The following SHISA9 variants were observed in gnomAD, a reference collection of about 807,000 sequenced individuals.
The protein encoded by SHISA9 is protein shisa-9.
Under a neutral mutation model 38.0 loss-of-function variants are expected in SHISA9, and 13 were observed. That is an observed-to-expected ratio of 0.34 (90% CI 0.22 to 0.54). The LOEUF (loss-of-function observed/expected upper bound fraction) is 0.54, where lower values mean the gene tolerates loss of function less well. SHISA9 is among the 20% of genes least tolerant of loss of function. The pLI, the probability that SHISA9 is intolerant of heterozygous loss-of-function variation, is 0.91. For missense variants in SHISA9, 538 were observed against 575.8 expected (o/e 0.93, Z 0.67); for synonymous variants, 275 against 242.0 (o/e 1.14, Z -1.27).
intron 1 of SHISA9, chr16:12,908,846 C>T (rs1404966475): frequency 3.3e-6 from 4 of 1,205,998 alleles, no homozygotes; most frequent in Non-Finnish European, 4.2e-6. Flanking sequence ...CACTTGAAGC[C>T]AGTAGGGAAC....
rs4780513 is a variant in SHISA9, at chr16:13,237,291, G to A, written c.*1882G>A. ...CAATGCAGTTGATCCCTCTGGGCCT[G>A]AGTCTCCCATCTGAAACATGGGGAA... On this transcript the variant is annotated 3_prime_UTR_variant, in exon 5 of 5. Transcript: ENST00000558583. The A allele has an allele frequency of 6.6e-6, 1 of 151,990 alleles. No individual in the cohort carries two copies. Among genetic ancestry groups the A allele is most frequent in the Non-Finnish European group, 1.5e-5 (1 of 68,012 alleles). 9.4% of individuals were successfully genotyped at this position (151,990 alleles called of 1,614,324 possible).
chr16:13,336,904 G>A, the SHISA9 span, among the ~76,000 whole-genome samples: 1 of 152,148 alleles, frequency 6.6e-6, no homozygotes, highest in African/African-American at 2.4e-5. Flanking sequence ...ATTAATACAT[G>A]ACTAAAGTGG....
chr16:13,173,840 G>C (rs111850709), intron 2 of SHISA9, among the ~76,000 whole-genome samples: 3,006 of 152,310 alleles, frequency 0.02, 57 homozygotes, highest in Non-Finnish European at 0.032. Flanking sequence ...TGTTAGAGGA[G>C]AGTGGTTGAG....
At chr16:13,085,118 T>C (rs2073695853) in intron 2 of SHISA9, among the ~76,000 whole-genome samples, 1 of 152,090 alleles carries the variant, frequency 6.6e-6, no homozygotes, top group Non-Finnish European at 1.5e-5. Context: ...TGTGGTGGAT[T>C]GAGAAGGATA....
At chr16:12,910,610 C>T in intron 1 of SHISA9, 1 of 985,282 alleles carries the variant, frequency 1.0e-6, no homozygotes, top group Non-Finnish European at 1.2e-6. Context: ...TCAAAAATGG[C>T]AACATAATTA....
At chr16:13,310,251 G>A in the SHISA9 span, among the ~76,000 whole-genome samples, 4 of 151,758 alleles carry the variant, frequency 2.6e-5, no homozygotes, top group Non-Finnish European at 5.9e-5. Flanking sequence ...TTCAACTCGT[G>A]TTACAGTTAT....
the SHISA9 span, among the ~76,000 whole-genome samples, chr16:13,281,128 G>A: frequency 6.6e-6 from 1 of 151,820 alleles, no homozygotes; most frequent in African/African-American, 2.4e-5. Flanking sequence ...ATGAGCCAGA[G>A]ATGAAGATGG....
the SHISA9 span, among the ~76,000 whole-genome samples, chr16:13,263,345 A>T: frequency 1.3e-5 from 2 of 152,118 alleles, no homozygotes; most frequent in Non-Finnish European, 2.9e-5. Context: ...GCCTGGTGGG[A>T]GGAGACTGGA....
chr16:13,490,533 C>G, the SHISA9 span, among the ~76,000 whole-genome samples: 1 of 152,192 alleles, frequency 6.6e-6, no homozygotes, highest in Non-Finnish European at 1.5e-5. Context: ...CCACTGCACC[C>G]CAGCCTGGGC....
At chr16:13,207,194 G>A (rs573388764) in intron 3 of SHISA9, among the ~76,000 whole-genome samples, 1 of 152,252 alleles carries the variant, frequency 6.6e-6, no homozygotes, top group South Asian at 2.1e-4. Flanking sequence ...AACCTGGGAC[G>A]CGGAGGTTGC....
At chr16:13,434,388 A>G in the SHISA9 span, among the ~76,000 whole-genome samples, 2 of 145,026 alleles carry the variant, frequency 1.4e-5, no homozygotes, top group East Asian at 2.1e-4. Flanking sequence ...GGCGCTCAAT[A>G]TTAACCATCA....
At chr16:13,073,539 A>C (rs1339896499) in intron 2 of SHISA9, among the ~76,000 whole-genome samples, 1 of 152,158 alleles carries the variant, frequency 6.6e-6, no homozygotes, top group African/African-American at 2.4e-5. Flanking sequence ...GCTCAGACCT[A>C]GTGAGTCAGA....
the SHISA9 span, among the ~76,000 whole-genome samples, chr16:13,462,627 C>G: frequency 6.6e-6 from 1 of 151,914 alleles, no homozygotes; most frequent in South Asian, 2.1e-4. Flanking sequence ...GAGTTCGAAA[C>G]CAGCCTGGCC....
At chr16:13,129,018 T>G (rs2050284744) in intron 2 of SHISA9, among the ~76,000 whole-genome samples, 1 of 152,236 alleles carries the variant, frequency 6.6e-6, no homozygotes, top group Admixed American at 6.5e-5. Context: ...CCAATGACTC[T>G]ATGTCATTGC....
chr16:12,912,479 T>C (rs989785642), intron 1 of SHISA9, among the ~76,000 whole-genome samples: 2 of 152,132 alleles, frequency 1.3e-5, no homozygotes, highest in African/African-American at 2.4e-5. Flanking sequence ...GAAAATCCGA[T>C]AAAAGTGATG....
At chr16:13,214,667 C>G (rs775051008) in intron 4 of SHISA9, among the ~76,000 whole-genome samples, 1 of 152,194 alleles carries the variant, frequency 6.6e-6, no homozygotes, top group Non-Finnish European at 1.5e-5. Flanking sequence ...CACAGTTCCA[C>G]GTGGCTGGGG....
At chr16:13,368,490 G>C in the SHISA9 span, among the ~76,000 whole-genome samples, 1,603 of 152,206 alleles carry the variant, frequency 0.011, 15 homozygotes, top group Middle Eastern at 0.034. Context: ...GTAGGTTTTA[G>C]AGGCTTCGTT....
the SHISA9 span, among the ~76,000 whole-genome samples, chr16:13,528,279 A>T: frequency 6.6e-6 from 1 of 152,280 alleles, no homozygotes; most frequent in South Asian, 2.1e-4. Context: ...AACATCATAT[A>T]ACCTAAAGAG....
chr16:13,414,485 T>G, the SHISA9 span, among the ~76,000 whole-genome samples: 1 of 152,124 alleles, frequency 6.6e-6, no homozygotes, highest in Admixed American at 6.5e-5. Context: ...TTGAATTCCC[T>G]GGGGATATTA....
Sources: gnomAD v4.1 joint callset for allele counts (sites outside exome capture counted in the v4.1 genomes callset) on GRCh38, gnomAD v4.1.1 for gene constraint, MANE v1.5 for transcripts, NCBI Gene and HGNC (gene_info 2026-07-23, HGNC 2026-07-21) for gene names.